The following MIPOL1 variants were observed in gnomAD, a reference collection of about 807,000 sequenced individuals.
MIPOL1 encodes the protein mirror-image polydactyly 1.
In MIPOL1, 57 loss-of-function variants were observed where a neutral mutation model predicts 60.9. The observed-to-expected ratio is 0.94, with a 90% CI of 0.76 to 1.17. The LOEUF (loss-of-function observed/expected upper bound fraction) is 1.17, where lower values mean the gene tolerates loss of function less well. MIPOL1 is among the 50% of genes most tolerant of loss of function. The pLI, the probability that MIPOL1 is intolerant of heterozygous loss-of-function variation, is 0.00. For synonymous variants in MIPOL1, 179 were observed against 168.8 expected (o/e 1.06, Z -0.47); for missense variants, 551 against 511.6 (o/e 1.08, Z -0.74).
chr14:37,415,924 AG>A (rs2093760937), intron 10 of MIPOL1, among the ~76,000 whole-genome samples: 1 of 152,158 alleles, frequency 6.6e-6, no homozygotes, highest in Non-Finnish European at 1.5e-5. Flanking sequence ...GTATAACTGT[AG>A]TACCATATTG....
intron 7 of MIPOL1, among the ~76,000 whole-genome samples, chr14:37,302,262 G>GTTTTTTTTTTTTTTTTTTTTTTTTT (rs57468146): frequency 1.1e-5 from 1 of 95,032 alleles, no homozygotes. Flanking sequence ...TGGAACTGTT[G>GTTTTTTTTTTTTTTTTTTTTTTTTT]TTTTTTTTTT....
chr14:37,291,107 T>G (rs1268610006), intron 7 of MIPOL1, among the ~76,000 whole-genome samples: 1 of 152,144 alleles, frequency 6.6e-6, no homozygotes, highest in African/African-American at 2.4e-5. Flanking sequence ...GAGGTTTTTT[T>G]GTAGAGATAG....
At chr14:37,366,309 T>C (rs2092468679) in intron 9 of MIPOL1, among the ~76,000 whole-genome samples, 1 of 152,154 alleles carries the variant, frequency 6.6e-6, no homozygotes, top group Admixed American at 6.5e-5. Context: ...ACTTCCCTCT[T>C]AGTACTACTT....
At chr14:37,408,285 A>G (rs908979213) in intron 10 of MIPOL1, among the ~76,000 whole-genome samples, 23 of 152,146 alleles carry the variant, frequency 1.5e-4, no homozygotes, top group Admixed American at 1.0e-3. Flanking sequence ...AAAACCCCAC[A>G]TTAAATACTT....
chr14:37,398,670 A>G (rs1457060530), intron 10 of MIPOL1, among the ~76,000 whole-genome samples: 1 of 152,236 alleles, frequency 6.6e-6, no homozygotes, highest in Non-Finnish European at 1.5e-5. Context: ...AAAAACTTAT[A>G]ATATGAAAAC....
intron 12 of MIPOL1, among the ~76,000 whole-genome samples, chr14:37,508,997 A>G (rs2095304384): frequency 6.6e-6 from 1 of 151,910 alleles, no homozygotes; most frequent in African/African-American, 2.4e-5. Context: ...GACTTCCCTG[A>G]CTGTTCCTAC....
chr14:37,355,787 G>T (rs992412788), intron 9 of MIPOL1, among the ~76,000 whole-genome samples: 1 of 150,788 alleles, frequency 6.6e-6, no homozygotes, highest in Non-Finnish European at 1.5e-5. Context: ...TCTGTATTGG[G>T]TATTCTAGTT....
chr14:37,238,786 CAA>C (rs778152612), intron 1 of MIPOL1, among the ~76,000 whole-genome samples: 56 of 86,858 alleles, frequency 6.4e-4, no homozygotes, highest in African/African-American at 1.3e-3. Flanking sequence ...CCCACTTCTA[CAA>C]AAAAAAAAAA....
intron 6 of MIPOL1, among the ~76,000 whole-genome samples, chr14:37,285,114 A>C (rs2084441174): frequency 6.6e-6 from 1 of 152,078 alleles, no homozygotes; most frequent in African/African-American, 2.4e-5. Context: ...TTTTGCTTTA[A>C]ATTTTTTAGG....
At chr14:37,320,141 G>A (rs376060215) in intron 9 of MIPOL1, among the ~76,000 whole-genome samples, 8 of 151,944 alleles carry the variant, frequency 5.3e-5, no homozygotes, top group African/African-American at 1.7e-4. Flanking sequence ...ATCTTTTGGC[G>A]GGCCTTAGCA....
chr14:37,203,659 C>T (rs2139139668), intron 1 of MIPOL1, among the ~76,000 whole-genome samples: 1 of 152,302 alleles, frequency 6.6e-6, no homozygotes, highest in Non-Finnish European at 1.5e-5. Context: ...GTTGCTCACT[C>T]ACCTTGAGGA....
chr14:37,282,239 TATTATTATTA>T (rs990945678), intron 6 of MIPOL1, among the ~76,000 whole-genome samples: 1 of 102 alleles, frequency 9.8e-3, no homozygotes, highest in Non-Finnish European at 0.031. Flanking sequence ...ATTGCAGTAA[TATTATTATTA>T]TTATTATTAT....
intron 10 of MIPOL1, among the ~76,000 whole-genome samples, chr14:37,403,287 C>T (rs756316785): frequency 4.6e-5 from 7 of 151,962 alleles, no homozygotes; most frequent in Non-Finnish European, 8.8e-5. Flanking sequence ...TACAAATTCT[C>T]ATGGGAGGTT....
At chr14:37,531,902 G>A (rs2095481834) in intron 12 of MIPOL1, among the ~76,000 whole-genome samples, 2 of 152,134 alleles carry the variant, frequency 1.3e-5, no homozygotes, top group Non-Finnish European at 1.5e-5. Flanking sequence ...TCATCTTGGT[G>A]GACAGAGAAG....
chr14:37,209,355 T>C (rs1436286972), intron 1 of MIPOL1, among the ~76,000 whole-genome samples: 1 of 152,180 alleles, frequency 6.6e-6, no homozygotes, highest in Non-Finnish European at 1.5e-5. Flanking sequence ...CCTTTTGTTA[T>C]TTTAGAAATT....
At chr14:37,284,148 A>G (rs1448039593) in intron 6 of MIPOL1, among the ~76,000 whole-genome samples, 3 of 152,158 alleles carry the variant, frequency 2.0e-5, no homozygotes, top group Non-Finnish European at 4.4e-5. Context: ...AGATGATGCC[A>G]TTTGTATTAA....
chr14:37,251,165 G>A (rs1027375659), intron 3 of MIPOL1, among the ~76,000 whole-genome samples: 1 of 151,972 alleles, frequency 6.6e-6, no homozygotes, highest in African/African-American at 2.4e-5. Flanking sequence ...GGCTCAAGCA[G>A]TCCTCCTTCC....
intron 12 of MIPOL1, among the ~76,000 whole-genome samples, chr14:37,535,550 A>G (rs1260002641): frequency 6.6e-6 from 1 of 152,200 alleles, no homozygotes; most frequent in Non-Finnish European, 1.5e-5. Flanking sequence ...CGTTCACAGT[A>G]TTTAAAACCT....
intron 1 of MIPOL1, among the ~76,000 whole-genome samples, chr14:37,229,425 G>A (rs1594605052): frequency 6.6e-6 from 1 of 152,130 alleles, no homozygotes; most frequent in South Asian, 2.1e-4. Context: ...GGGATTACAG[G>A]TGTGAGCCAC....
Sources: gnomAD v4.1 joint callset for allele counts (sites outside exome capture counted in the v4.1 genomes callset) on GRCh38, gnomAD v4.1.1 for gene constraint, MANE v1.5 for transcripts, NCBI Gene and HGNC (gene_info 2026-07-23, HGNC 2026-07-21) for gene names.